Variants in MAML3 observed in about 807,000 individuals in gnomAD.
The protein encoded by MAML3 is mastermind like transcriptional coactivator 3, also known as mastermind-like protein 3.
Under a neutral mutation model 101.9 loss-of-function variants are expected in MAML3, and 27 were observed. The ratio of observed to expected loss-of-function variants is 0.27; its 90% CI spans 0.20 to 0.37. The LOEUF (loss-of-function observed/expected upper bound fraction) is 0.37, where lower values mean the gene tolerates loss of function less well. Ranked by LOEUF, MAML3 falls within the 10% of genes least tolerant of loss-of-function variation. The probability of loss-of-function intolerance (pLI) is 1.00; values close to 1 mark genes in which losing one functional copy is unlikely to be tolerated. For missense variants in MAML3, 1,316 were observed against 1,444.9 expected, an observed-to-expected ratio of 0.91 and a Z score of 1.45; for synonymous variants, 501 against 555.9, an observed-to-expected ratio of 0.90 and a Z score of 1.39.
At chr4:139,818,089 C>G (rs1213713486) in intron 2 of MAML3, among the ~76,000 whole-genome samples, 1 of 152,216 alleles carries the variant, frequency 6.6e-6, no homozygotes, top group Admixed American at 6.5e-5. Flanking sequence ...GAGGTGGGAC[C>G]TGATCATTTA....
At chr4:140,114,404 G>A (rs1248140105) in intron 1 of MAML3, among the ~76,000 whole-genome samples, 3 of 152,192 alleles carry the variant, frequency 2.0e-5, no homozygotes, top group African/African-American at 7.2e-5. Flanking sequence ...AAAGGCAAGT[G>A]TTCTTTTTCC....
chr4:139,757,591 C>T (rs1010639054), intron 2 of MAML3, among the ~76,000 whole-genome samples: 1 of 135,844 alleles, frequency 7.4e-6, no homozygotes, highest in South Asian at 2.3e-4. Context: ...TGCAGTGAGT[C>T]AAGATTGCAC....
intron 1 of MAML3, among the ~76,000 whole-genome samples, chr4:139,928,300 T>C (rs191610947): frequency 2.0e-5 from 3 of 152,330 alleles, no homozygotes; most frequent in Admixed American, 2.0e-4. Flanking sequence ...ATTTAGAAAA[T>C]ATTAATTTGG....
At chr4:140,126,218 C>G (rs1728684094) in intron 1 of MAML3, among the ~76,000 whole-genome samples, 1 of 150,832 alleles carries the variant, frequency 6.6e-6, no homozygotes, top group African/African-American at 2.4e-5. Context: ...TCAAGGCATT[C>G]CAACCCCCAA....
At chr4:139,849,323 G>A (rs1731508042) in intron 2 of MAML3, among the ~76,000 whole-genome samples, 1 of 152,152 alleles carries the variant, frequency 6.6e-6, no homozygotes, top group Admixed American at 6.5e-5. Context: ...GAGACTAAGT[G>A]GTTAAAAGGA....
intron 1 of MAML3, among the ~76,000 whole-genome samples, chr4:140,046,021 T>C (rs1727177386): frequency 6.6e-6 from 1 of 152,200 alleles, no homozygotes. Flanking sequence ...ATATGAAATA[T>C]AAATGCCCTC....
At chr4:139,989,876 CACACACAGAG>C (rs770690732) in intron 1 of MAML3, among the ~76,000 whole-genome samples, 2,932 of 53,894 alleles carry the variant, frequency 0.054, 42 homozygotes, top group Admixed American at 0.089. Context: ...CACACACACA[CACACACAGAG>C]AGAGAGAGAG....
intron 2 of MAML3, among the ~76,000 whole-genome samples, chr4:139,792,869 C>G (rs930967596): frequency 2.0e-5 from 3 of 151,908 alleles, no homozygotes; most frequent in African/African-American, 4.8e-5. Context: ...CTCAGCCTCC[C>G]AAGTAACTGG....
intron 1 of MAML3, among the ~76,000 whole-genome samples, chr4:140,120,191 C>A (rs1487065800): frequency 1.4e-5 from 2 of 145,968 alleles, no homozygotes; most frequent in Non-Finnish European, 3.0e-5. Flanking sequence ...GAGCCAAGAT[C>A]GCGCCACCGC....
chr4:139,794,539 A>C (rs149880481), intron 2 of MAML3: 19 of 152,286 alleles, frequency 1.2e-4, no homozygotes, highest in African/African-American at 4.3e-4. Flanking sequence ...TGTTATTCCT[A>C]ACTGCTTCCA....
At chr4:140,057,047 A>T (rs1271759675) in intron 1 of MAML3, among the ~76,000 whole-genome samples, 1 of 152,176 alleles carries the variant, frequency 6.6e-6, no homozygotes, top group Non-Finnish European at 1.5e-5. Flanking sequence ...CATAATAAAT[A>T]ACAAAGTCAG....
At chr4:139,888,087 C>A (rs891711274) in intron 2 of MAML3, among the ~76,000 whole-genome samples, 6 of 152,126 alleles carry the variant, frequency 3.9e-5, no homozygotes, top group African/African-American at 1.4e-4. Flanking sequence ...GGTTGTAAGG[C>A]TGAGGACAAG....
At chr4:139,767,365 C>T (rs145527643) in intron 2 of MAML3, among the ~76,000 whole-genome samples, 91 of 152,330 alleles carry the variant, frequency 6.0e-4, no homozygotes, top group African/African-American at 2.2e-3. Flanking sequence ...GATCTATCAT[C>T]CATGAAATTG....
Position 139,889,648 on chromosome 4 carries a change from A to G in MAML3, c.1788T>C (p.Ile596=). ...GTNSLNKQHN[I]LTYGNTKPLT... ...GGGGTTTAGTGTTGCCATAAGTCAG[A>G]ATATTGTGCTGTTTGTTTAAGGAGT... Residue 596 remains isoleucine (I), a synonymous_variant, in exon 2 of 5, where the codon ATT becomes ATC. Transcript: ENST00000509479. 6.2e-7 allele frequency: 1 copy of G among 1,613,964 alleles called. No homozygotes were observed. The highest frequency in any genetic ancestry group is 2.2e-5 in the East Asian group (1 of 44,876).
chr4:139,929,176 T>C (rs1482403841), intron 1 of MAML3, among the ~76,000 whole-genome samples: 1 of 152,172 alleles, frequency 6.6e-6, no homozygotes, highest in Non-Finnish European at 1.5e-5. Flanking sequence ...CAGTGCTCTG[T>C]TGTGAGTGGA....
intron 2 of MAML3, among the ~76,000 whole-genome samples, chr4:139,871,957 A>C (rs1732015908): frequency 6.6e-6 from 1 of 152,232 alleles, no homozygotes; most frequent in African/African-American, 2.4e-5. Context: ...TATTTATTTT[A>C]GTTTCAAAAA....
intron 1 of MAML3, among the ~76,000 whole-genome samples, chr4:139,933,809 T>C (rs543831768): frequency 5.9e-5 from 9 of 152,266 alleles, no homozygotes; most frequent in African/African-American, 1.7e-4. Context: ...GAGGTCAGCC[T>C]GGGGCTTTGT....
intron 1 of MAML3, among the ~76,000 whole-genome samples, chr4:140,043,413 GC>G (rs1440066873): frequency 6.6e-6 from 1 of 152,100 alleles, no homozygotes; most frequent in Non-Finnish European, 1.5e-5. Flanking sequence ...CGAGAAACAG[GC>G]CCCAGGAAAG....
At chr4:140,084,438 A>C (rs1164994202) in intron 1 of MAML3, among the ~76,000 whole-genome samples, 1 of 152,186 alleles carries the variant, frequency 6.6e-6, no homozygotes, top group African/African-American at 2.4e-5. Flanking sequence ...TGCCACCCTA[A>C]ATATCAGGCA....
Sources: allele counts gnomAD v4.1 joint callset (sites outside exome capture counted in the v4.1 genomes callset), GRCh38; gene constraint gnomAD v4.1.1; transcripts MANE v1.5; gene names NCBI Gene and HGNC (gene_info 2026-07-23, HGNC 2026-07-21).